Variants in DIAPH3 observed in about 807,000 individuals in gnomAD.
The protein encoded by DIAPH3 is protein diaphanous homolog 3.
A neutral mutation model predicts 144.3 loss-of-function variants in DIAPH3; 117 were observed. That is an observed-to-expected ratio of 0.81 (90% CI 0.70 to 0.95). The LOEUF is 0.95. DIAPH3 is among the 40% of genes least tolerant of loss of function. The pLI is 0.00. For missense variants in DIAPH3, 1,421 were observed against 1,412.7 expected, an observed-to-expected ratio of 1.01 and a Z score of -0.09; for synonymous variants, 519 against 488.9, an observed-to-expected ratio of 1.06 and a Z score of -0.81.
chr13:59,796,452 T>C (rs115212827), intron 25 of DIAPH3, among the ~76,000 whole-genome samples: 209 of 152,340 alleles, frequency 1.4e-3, no homozygotes, highest in African/African-American at 4.7e-3. Context: ...TGAGAAGTTG[T>C]CAGTCTGTTG....
chr13:59,836,364 T>A (rs1279747569), intron 23 of DIAPH3, among the ~76,000 whole-genome samples: 3 of 151,814 alleles, frequency 2.0e-5, no homozygotes, highest in Admixed American at 2.0e-4. Context: ...AATACTGATA[T>A]ACATTGAATT....
chr13:59,978,366 G>C (rs2050791244), intron 14 of DIAPH3, among the ~76,000 whole-genome samples: 1 of 151,374 alleles, frequency 6.6e-6, no homozygotes, highest in Non-Finnish European at 1.5e-5. Flanking sequence ...CTGTTACACA[G>C]CAAGAAAAAA....
At chr13:60,122,375 A>ATT (rs1224038028) in intron 2 of DIAPH3, among the ~76,000 whole-genome samples, 2 of 152,218 alleles carry the variant, frequency 1.3e-5, no homozygotes, top group Admixed American at 6.5e-5. Context: ...ACTGAGTTAG[A>ATT]TGCTCAAAGA....
chr13:59,939,692 A>G (rs902582675), intron 17 of DIAPH3, among the ~76,000 whole-genome samples: 17 of 152,180 alleles, frequency 1.1e-4, no homozygotes, highest in Admixed American at 3.3e-4. Flanking sequence ...GACAAAAGCC[A>G]AGTTAACAAT....
intron 17 of DIAPH3, among the ~76,000 whole-genome samples, chr13:59,950,458 T>C (rs1029391722): frequency 6.6e-6 from 1 of 151,930 alleles, no homozygotes; most frequent in African/African-American, 2.4e-5. Context: ...CTGCCCTGAG[T>C]AAAAGGAGTA....
chr13:59,676,788 T>C (rs776224165), intron 27 of DIAPH3, among the ~76,000 whole-genome samples: 2 of 152,208 alleles, frequency 1.3e-5, no homozygotes, highest in African/African-American at 4.8e-5. Context: ...ATTTTTGATA[T>C]GCATTTAATA....
chr13:59,966,152 A>G (rs1156446448), intron 17 of DIAPH3, among the ~76,000 whole-genome samples: 1 of 152,200 alleles, frequency 6.6e-6, no homozygotes, highest in Non-Finnish European at 1.5e-5. Flanking sequence ...CAGGAAAAGG[A>G]TTAGAGAGGA....
In DIAPH3 at chr13:59,879,272, C is replaced by T. The variant is rs866287745; in HGVS notation, c.2564G>A (p.Arg855Gln). 9 of 1,613,762 alleles carry T rather than the reference C, an allele frequency of 5.6e-6. No individual in the cohort carries two copies. Among genetic ancestry groups the T allele is most frequent in the South Asian group, 4.4e-5 (4 of 91,068 alleles). The change falls in exon 21 of 28, where the codon CGG (arginine) becomes CAG (glutamine). Residue 855 changes from arginine (R) to glutamine (Q), a missense_variant. Physicochemically the swap from Arg to Gln is conservative, Grantham distance 43 (BLOSUM62 1). Coordinates refer to ENST00000400324, the MANE Select transcript of DIAPH3 (RefSeq NM_001042517.2). ...GTTAAATCCGAAGGTTTGAGCATTC[C>T]GGGAGCCAGCATTCATGTAGTTTCC... ...LMGNYMNAGS[R>Q]NAQTFGFNLS...
chr13:60,095,125 C>T lies in DIAPH3; in HGVS notation c.391-1393G>A, dbSNP rs1211807186. ...CCTGTACAGTAAAAACTACCTTGTG[C>T]CCCACAGAGAGATTCACACACCTAA... is the stretch of plus-strand genomic sequence containing the variant. On this transcript the variant is annotated intron_variant, in intron 3 of 27. Transcript: ENST00000400324. Among the ~76,000 whole-genome samples the T allele has an allele frequency of 2.2e-4, 33 of 152,168 alleles. 1 individual carries two copies. Among genetic ancestry groups the T allele is most frequent in the East Asian group, 9.7e-4 (5 of 5,168 alleles).
intron 24 of DIAPH3, among the ~76,000 whole-genome samples, chr13:59,817,139 T>C (rs931519106): frequency 6.6e-6 from 1 of 151,866 alleles, no homozygotes; most frequent in Non-Finnish European, 1.5e-5. Flanking sequence ...ATGTAACCAA[T>C]TTTATAAAAG....
At chr13:59,766,274 C>T (rs1055778814) in intron 27 of DIAPH3, among the ~76,000 whole-genome samples, 2 of 152,140 alleles carry the variant, frequency 1.3e-5, no homozygotes, top group African/African-American at 2.4e-5. Context: ...ATTTCACACA[C>T]TATACTATCA....
intron 27 of DIAPH3, among the ~76,000 whole-genome samples, chr13:59,724,105 AAT>A (rs2035492613): frequency 6.6e-6 from 1 of 152,204 alleles, no homozygotes; most frequent in Non-Finnish European, 1.5e-5. Flanking sequence ...AAAATAAAAT[AAT>A]ATAAAAAATG....
intron 5 of DIAPH3, among the ~76,000 whole-genome samples, chr13:60,018,255 T>C (rs2053788118): frequency 6.6e-6 from 1 of 152,208 alleles, no homozygotes; most frequent in South Asian, 2.1e-4. Flanking sequence ...CCTTTAATCA[T>C]TGTGAAGAAT....
At chr13:59,845,958 C>T (rs2042607147) in intron 22 of DIAPH3, among the ~76,000 whole-genome samples, 1 of 152,036 alleles carries the variant, frequency 6.6e-6, no homozygotes, top group Admixed American at 6.6e-5. Context: ...ACTTTAACCT[C>T]GCCAGATAAG....
At chr13:59,965,539 TA>T (rs34273562) in intron 17 of DIAPH3, among the ~76,000 whole-genome samples, 5,490 of 145,250 alleles carry the variant, frequency 0.038, 125 homozygotes, top group East Asian at 0.081. Context: ...TCCAATCTGG[TA>T]AAAAAAAAAA....
intron 1 of DIAPH3, 54 bp downstream of exon 1, chr13:60,163,533 T>C: frequency 6.3e-7 from 1 of 1,583,308 alleles, no homozygotes; most frequent in Non-Finnish European, 8.6e-7. Context: ...CCCTCGGCAG[T>C]CAGCCCTACG....
At chr13:59,933,576 C>T (rs1483348386) in intron 17 of DIAPH3, among the ~76,000 whole-genome samples, 1 of 152,116 alleles carries the variant, frequency 6.6e-6, no homozygotes, top group East Asian at 1.9e-4. Flanking sequence ...TTATTAGTGC[C>T]ATCTATACTT....
At chr13:59,830,688 A>G (rs1279494347) in intron 24 of DIAPH3, among the ~76,000 whole-genome samples, 1 of 151,914 alleles carries the variant, frequency 6.6e-6, no homozygotes, top group Non-Finnish European at 1.5e-5. Flanking sequence ...ATTTACCTCT[A>G]TTATATGCAT....
At chr13:59,814,399 A>G (rs1183690977) in intron 24 of DIAPH3, among the ~76,000 whole-genome samples, 1 of 152,220 alleles carries the variant, frequency 6.6e-6, no homozygotes, top group East Asian at 1.9e-4. Flanking sequence ...AACATACCAT[A>G]TTCTCATATT....
Sources: gnomAD v4.1 joint callset for allele counts (sites outside exome capture counted in the v4.1 genomes callset) on GRCh38, gnomAD v4.1.1 for gene constraint, MANE v1.5 for transcripts, NCBI Gene and HGNC (gene_info 2026-07-23, HGNC 2026-07-21) for gene names.